TAF15: variants seen among roughly 807,000 people sequenced by gnomAD.
The protein encoded by TAF15 is TATA-box binding protein associated factor 15.
In TAF15, 37 loss-of-function variants were observed where a neutral mutation model predicts 102.5. The ratio of observed to expected loss-of-function variants is 0.36; its 90% CI spans 0.28 to 0.47. TAF15 has a LOEUF of 0.47. Ranked by LOEUF, TAF15 falls within the 20% of genes least tolerant of loss-of-function variation. The probability of loss-of-function intolerance (pLI) is 0.99; values close to 1 mark genes in which losing one functional copy is unlikely to be tolerated. For synonymous variants in TAF15, 273 were observed against 259.2 expected (o/e 1.05, Z -0.51); for missense variants, 652 against 760.7 (o/e 0.86, Z 1.68).
chr17:35,822,202 G>A (rs1226558101), intron 5 of TAF15, among the ~76,000 whole-genome samples: 5 of 151,950 alleles, frequency 3.3e-5, no homozygotes, highest in African/African-American at 1.2e-4. Context: ...TTAGCCAGGC[G>A]TGGTGGCACA....
Position 35,847,067 on chromosome 17 carries a change from A to AT in TAF15, c.*125dup, listed in dbSNP as rs2087632377. The AT allele has an allele frequency of 3.1e-6, 1 of 326,110 alleles. No homozygotes were observed. The highest frequency in any genetic ancestry group is 4.0e-5 in the Admixed American group (1 of 25,304). The allele number at this position is 326,110 out of a possible 1,614,324, so 20.2% of individuals were successfully genotyped here. On this transcript the variant is annotated 3_prime_UTR_variant, in exon 16 of 16. Transcript: ENST00000605844. ...GAAATTAAGTGACATTTGGATTTTTATTTGGGTGGGAGGGCTGGGACAGTT... is the reference window on the plus strand; with the variant it reads ...GAAATTAAGTGACATTTGGATTTTTATTTTGGGTGGGAGGGCTGGGACAGTT...
intron 5 of TAF15, among the ~76,000 whole-genome samples, chr17:35,821,276 G>A (rs1459416746): frequency 6.6e-6 from 1 of 152,144 alleles, no homozygotes; most frequent in Non-Finnish European, 1.5e-5. Flanking sequence ...GTAGAAAGTA[G>A]AGTACAAATG....
At chr17:35,828,437 T>TA (rs914377746) in intron 7 of TAF15, among the ~76,000 whole-genome samples, 3 of 152,244 alleles carry the variant, frequency 2.0e-5, no homozygotes, top group African/African-American at 7.2e-5. Context: ...GCAATCAATA[T>TA]AAAAAATTTC....
chr17:35,810,994 T>C (rs2087118273), intron 1 of TAF15: 1 of 152,222 alleles, frequency 6.6e-6, no homozygotes, highest in South Asian at 2.1e-4. Context: ...CATCTTTTTC[T>C]AGGTACGTAA....
chr17:35,819,994 T>G (rs765861396), intron 2 of TAF15, 30 bp from the exon 3 acceptor site: 1 of 1,606,042 alleles, frequency 6.2e-7, no homozygotes, highest in South Asian at 1.1e-5. Flanking sequence ...TCTACACATT[T>G]CTTTCAAGTA....
At chr17:35,842,268 T>C in intron 11 of TAF15, 99 bp from the exon 12 acceptor site, 1 of 850,832 alleles carries the variant, frequency 1.2e-6, no homozygotes. Flanking sequence ...ACATGTCAGT[T>C]ACTCCTCTGA....
chr17:35,824,806 T>C (rs926559513), intron 7 of TAF15, among the ~76,000 whole-genome samples: 1 of 152,252 alleles, frequency 6.6e-6, no homozygotes, highest in Non-Finnish European at 1.5e-5. Flanking sequence ...ATTCAGCTTT[T>C]CTTTTCTCCA....
rs2087209276 is a variant in TAF15, at chr17:35,817,512, A to G, written c.8-204A>G. Among the ~76,000 whole-genome samples, 11 of 152,202 alleles carry G rather than the reference A, an allele frequency of 7.2e-5. No homozygotes were observed. The South Asian group carries it at 2.3e-3, about 31-fold the overall frequency. ...CTTGTGACCCTAGCACACATGTAGA[A>G]TAGTAGTTTGCAAATACGTAGTTAT... On this transcript the variant is annotated intron_variant, in intron 1 of 15. Transcript: ENST00000605844.
At chr17:35,813,376 A>G (rs1448529365) in intron 1 of TAF15, among the ~76,000 whole-genome samples, 5 of 152,106 alleles carry the variant, frequency 3.3e-5, no homozygotes, top group South Asian at 4.1e-4. Flanking sequence ...GCTCATGCCT[A>G]TAATCCCAGC....
intron 15 of TAF15, among the ~76,000 whole-genome samples, chr17:35,845,439 A>G (rs1482167251): frequency 2.6e-5 from 4 of 152,202 alleles, no homozygotes; most frequent in South Asian, 2.1e-4. Flanking sequence ...TATTTTCTGT[A>G]GAGACAGGGT....
At chr17:35,812,259 A>G (rs907955020) in intron 1 of TAF15, among the ~76,000 whole-genome samples, 5 of 152,204 alleles carry the variant, frequency 3.3e-5, no homozygotes, top group Admixed American at 3.3e-4. Flanking sequence ...AATTAACGTA[A>G]AAATGGTTTC....
intron 7 of TAF15, among the ~76,000 whole-genome samples, chr17:35,826,746 T>TA (rs756633146): frequency 1.7e-4 from 24 of 143,592 alleles, no homozygotes; most frequent in South Asian, 8.9e-4. Context: ...TTTTTTTTTT[T>TA]AAGTAGTGAT....
chr17:35,821,599 C>T (rs370937721), intron 5 of TAF15, among the ~76,000 whole-genome samples: 5 of 151,904 alleles, frequency 3.3e-5, no homozygotes, highest in African/African-American at 9.7e-5. Context: ...TTGTCCCCCC[C>T]CAGCCCATTT....
At chr17:35,821,752 C>T (rs1233702569) in intron 5 of TAF15, among the ~76,000 whole-genome samples, 1 of 152,036 alleles carries the variant, frequency 6.6e-6, no homozygotes, top group African/African-American at 2.4e-5. Flanking sequence ...AATAAGCAGT[C>T]TCATTACCTG....
chr17:35,815,817 G>A (rs922463018), intron 1 of TAF15, among the ~76,000 whole-genome samples: 2 of 151,980 alleles, frequency 1.3e-5, no homozygotes, highest in African/African-American at 2.4e-5. Context: ...ATTCTTTTCC[G>A]ATTTTTCTTA....
chr17:35,835,896 A>G (rs549098804), intron 9 of TAF15, among the ~76,000 whole-genome samples: 1 of 152,376 alleles, frequency 6.6e-6, no homozygotes, highest in African/African-American at 2.4e-5. Context: ...GTATATAGGT[A>G]TTTCACATAG....
chr17:35,833,674 G>A (rs1056899633), intron 7 of TAF15: 4 of 521,292 alleles, frequency 7.7e-6, no homozygotes, highest in Non-Finnish European at 1.0e-5. Flanking sequence ...AGAAATAAGA[G>A]TATATTAGAT....
At chr17:35,811,075 C>T (rs1323110600) in intron 1 of TAF15, 2 of 152,088 alleles carry the variant, frequency 1.3e-5, no homozygotes, top group Admixed American at 6.5e-5. Flanking sequence ...TATCATCTAC[C>T]CGTGGTTTAA....
chr17:35,828,229 A>G (rs986713284), intron 7 of TAF15, among the ~76,000 whole-genome samples: 1 of 152,240 alleles, frequency 6.6e-6, no homozygotes, highest in East Asian at 1.9e-4. Context: ...CACTGTATAC[A>G]TCAGTCTAAA....
Sources: gnomAD v4.1 joint callset for allele counts (sites outside exome capture counted in the v4.1 genomes callset) on GRCh38, gnomAD v4.1.1 for gene constraint, MANE v1.5 for transcripts, NCBI Gene and HGNC (gene_info 2026-07-23, HGNC 2026-07-21) for gene names.